The following AAK1 variants were observed in gnomAD, a reference collection of about 807,000 sequenced individuals.
The protein encoded by AAK1 is AP2-associated protein kinase 1.
AAK1 carries 37 observed loss-of-function variants against 116.0 expected under a neutral mutation model. The observed-to-expected ratio is 0.32, with a 90% confidence interval of 0.25 to 0.42. AAK1 has a LOEUF of 0.42. AAK1 is among the 10% of genes least tolerant of loss of function. AAK1 has a pLI of 1.00. For synonymous variants in AAK1, 458 were observed against 439.9 expected (o/e 1.04, Z -0.51); for missense variants, 919 against 1,170.6 (o/e 0.79, Z 3.14).
chr2:69,592,690 T>C (rs989161656), intron 2 of AAK1, among the ~76,000 whole-genome samples: 5 of 152,188 alleles, frequency 3.3e-5, no homozygotes, highest in Non-Finnish European at 5.9e-5. Context: ...ACATCAAAAA[T>C]GTTACACAAA....
chr2:69,540,642 C>T (rs1302291676), intron 5 of AAK1, among the ~76,000 whole-genome samples: 1 of 152,194 alleles, frequency 6.6e-6, no homozygotes, highest in Non-Finnish European at 1.5e-5. Flanking sequence ...GGAACCTTCA[C>T]GTATTGCCGA....
At chr2:69,559,919 C>T (rs1671559046) in intron 2 of AAK1, among the ~76,000 whole-genome samples, 1 of 152,168 alleles carries the variant, frequency 6.6e-6, no homozygotes, top group African/African-American at 2.4e-5. Flanking sequence ...AGCAAGATGA[C>T]CTTTACAGCC....
At chr2:69,640,147 C>T (rs1160720940) in intron 2 of AAK1, among the ~76,000 whole-genome samples, 2 of 151,034 alleles carry the variant, frequency 1.3e-5, no homozygotes, top group Admixed American at 6.6e-5. Flanking sequence ...TTATTGAACA[C>T]CTGAAAATGT....
At chr2:69,489,134 C>T (rs1052473326) in intron 17 of AAK1, among the ~76,000 whole-genome samples, 3 of 151,346 alleles carry the variant, frequency 2.0e-5, no homozygotes, top group Admixed American at 6.6e-5. Context: ...GAGCGAGCCA[C>T]CATATCCAGC....
At chr2:69,541,993 C>T (rs1458153343) in intron 5 of AAK1, among the ~76,000 whole-genome samples, 1 of 152,138 alleles carries the variant, frequency 6.6e-6, no homozygotes, top group Non-Finnish European at 1.5e-5. Flanking sequence ...AGACACTGTA[C>T]ATAAAACGTA....
chr2:69,621,394 G>T (rs995103102), intron 2 of AAK1, among the ~76,000 whole-genome samples: 1 of 151,890 alleles, frequency 6.6e-6, no homozygotes, highest in Admixed American at 6.5e-5. Context: ...CAGAAGAATC[G>T]CTTGAAAAAA....
chr2:69,504,142 A>ATCCC (rs1676083564), intron 16 of AAK1, among the ~76,000 whole-genome samples: 1 of 152,136 alleles, frequency 6.6e-6, no homozygotes, highest in African/African-American at 2.4e-5. Context: ...CATGCCTGTA[A>ATCCC]TCCCAGCACT....
rs978208935 is a variant in AAK1 at position 69,470,301 on chromosome 2, C to T, written c.*5568G>A. 3.0e-6 allele frequency: 3 copies of T among 985,402 alleles called. No homozygotes were observed. In the South Asian group the frequency reaches 1.4e-4, roughly 46 times the overall value. The allele number at this position is 985,402 out of a possible 1,614,324, so 61.0% of individuals were successfully genotyped here. Reference sequence around the variant, plus strand: ...TTAGTAAACAGAAAGCAAAATATCCCTTCACAAGAACTTGGAAATGCAGCA... The same window carrying T: ...TTAGTAAACAGAAAGCAAAATATCCTTTCACAAGAACTTGGAAATGCAGCA... On this transcript the variant is annotated 3_prime_UTR_variant, in exon 22 of 22. Coordinates refer to ENST00000409085, the MANE Select transcript of AAK1 (RefSeq NM_014911.5).
intron 2 of AAK1, among the ~76,000 whole-genome samples, chr2:69,580,174 T>C (rs1344292526): frequency 6.6e-6 from 1 of 152,196 alleles, no homozygotes; most frequent in Non-Finnish European, 1.5e-5. Context: ...TCCTCATTTT[T>C]CTCCTAGACT....
In AAK1 at chr2:69,467,879, A is replaced by G; in HGVS notation, c.*7990T>C. The G allele has an allele frequency of 8.1e-6, 8 of 985,354 alleles. No individual in the cohort carries two copies. Among genetic ancestry groups the G allele is most frequent in the Non-Finnish European group, 9.6e-6 (8 of 829,848 alleles). 61.0% of individuals were successfully genotyped at this position (985,354 alleles called of 1,614,324 possible). A position where few individuals can be genotyped will look rare whatever the true frequency, so the allele number is the denominator to read the frequency against. ...GAGAGGTCTGAACATTTTATAAGATACTGTACAAAAATACTATGTTTCTCT... is the reference window on the plus strand; with the variant it reads ...GAGAGGTCTGAACATTTTATAAGATGCTGTACAAAAATACTATGTTTCTCT... On this transcript the variant is annotated 3_prime_UTR_variant, in exon 22 of 22. Coordinates refer to ENST00000409085, the MANE Select transcript of AAK1 (RefSeq NM_014911.5).
intron 2 of AAK1, among the ~76,000 whole-genome samples, chr2:69,560,466 T>C (rs1372066291): frequency 5.3e-5 from 8 of 152,236 alleles, no homozygotes; most frequent in Admixed American, 5.2e-4. Context: ...AATCTTAACA[T>C]TCAGTAGCCT....
intron 4 of AAK1, 38 bp downstream of exon 4, chr2:69,544,398 G>C: frequency 1.3e-6 from 2 of 1,497,644 alleles, no homozygotes; most frequent in South Asian, 1.1e-5. Flanking sequence ...CAAAATGCTA[G>C]AGAAATGACA....
At chr2:69,482,346 C>T in intron 18 of AAK1, 2 of 503,626 alleles carry the variant, frequency 4.0e-6, no homozygotes, top group South Asian at 5.3e-5. Context: ...GAGTGAAACT[C>T]TGTCTCAAAC....
intron 2 of AAK1, among the ~76,000 whole-genome samples, chr2:69,574,487 G>A (rs576337722): frequency 6.6e-6 from 1 of 150,996 alleles, no homozygotes; most frequent in Non-Finnish European, 1.5e-5. Flanking sequence ...CAGGAGGATC[G>A]CTGGAGCCAG....
Position 69,642,920 on chromosome 2 carries a change from T to A in AAK1, c.121A>T (p.Ile41Phe), listed in dbSNP as rs776044572. ...GSGYIGRVFG[I>F]GRQQVTVDEV... is the part of the protein sequence containing the mutation. ...TCCACTGTGACCTGCTGTCGCCCGATGCCGAAGACTCTTCCGATGTAGCCA... is the reference window on the plus strand; with the variant it reads ...TCCACTGTGACCTGCTGTCGCCCGAAGCCGAAGACTCTTCCGATGTAGCCA... The change falls in exon 2 of 22, where the codon ATC becomes TTC. Residue 41 changes from isoleucine (I) to phenylalanine (F), a missense_variant. By Grantham distance (21) the Ile-to-Phe change is conservative (BLOSUM62 0). Around this residue, in one of 4 missense-constraint regions of AAK1, gnomAD observed 317 missense variants for 490.4 expected, o/e 0.65. Coordinates refer to ENST00000409085, the MANE Select transcript of AAK1 (RefSeq NM_014911.5). 4.3e-6 allele frequency: 7 copies of A among 1,613,906 alleles called. No homozygotes were observed. The highest frequency in any genetic ancestry group is 4.2e-6 in the Non-Finnish European group (5 of 1,179,870).
intron 19 of AAK1, among the ~76,000 whole-genome samples, chr2:69,479,420 G>A (rs1674998266): frequency 6.6e-6 from 1 of 152,112 alleles, no homozygotes. Context: ...TTTGCTCAGA[G>A]GTTGCTGGTT....
At chr2:69,620,199 G>C (rs1292964484) in intron 2 of AAK1, among the ~76,000 whole-genome samples, 2 of 152,188 alleles carry the variant, frequency 1.3e-5, no homozygotes, top group African/African-American at 4.8e-5. Flanking sequence ...AGAGCAAACA[G>C]GATTTTCTGA....
At chr2:69,520,700 G>T in intron 11 of AAK1, 134 bp downstream of exon 11, 1 of 1,087,418 alleles carries the variant, frequency 9.2e-7, no homozygotes, top group Non-Finnish European at 1.3e-6. Context: ...GCTTCCTCCT[G>T]TTCCTCAAGG....
intron 8 of AAK1, among the ~76,000 whole-genome samples, chr2:69,529,470 G>C (rs1670156206): frequency 6.6e-6 from 1 of 151,962 alleles, no homozygotes; most frequent in South Asian, 2.1e-4. Flanking sequence ...TGCTTGCTAT[G>C]ATGATACCAA....
Sources: gnomAD v4.1 joint callset for allele counts (sites outside exome capture counted in the v4.1 genomes callset) on GRCh38, gnomAD v4.1.1 for gene constraint, gnomAD v4.1.1 regional missense constraint, MANE v1.5 for transcripts, NCBI Gene and HGNC (gene_info 2026-07-23, HGNC 2026-07-21) for gene names.